The following IFT140 variants were observed in gnomAD, a reference collection of about 807,000 sequenced individuals.
IFT140 encodes the protein intraflagellar transport protein 140 homolog.
Under a neutral mutation model 164.6 loss-of-function variants are expected in IFT140, and 133 were observed. That is an observed-to-expected ratio of 0.81 (90% CI 0.70 to 0.93). The LOEUF (loss-of-function observed/expected upper bound fraction) is 0.93. Among genes scored for constraint, IFT140 ranks in the 40% least tolerant of loss-of-function variants. IFT140 has a pLI of 0.00. For synonymous variants in IFT140, 860 were observed against 817.3 expected, an observed-to-expected ratio of 1.05 and a Z score of -0.89; for missense variants, 2,045 against 1,972.3, an observed-to-expected ratio of 1.04 and a Z score of -0.70.
At chr16:1,523,233 A>G (rs1461276636) in intron 26 of IFT140, among the ~76,000 whole-genome samples, 2 of 151,918 alleles carry the variant, frequency 1.3e-5, no homozygotes, top group African/African-American at 4.8e-5. Flanking sequence ...AAAAAAAAAA[A>G]AAGGCTAAGA....
rs374747598 is a variant in IFT140 at position 1,519,862 on chromosome 16, G to A, written c.4040+19C>T. 108 of 1,517,844 alleles carry A rather than the reference G, an allele frequency of 7.1e-5. No homozygotes were observed. Among genetic ancestry groups the A allele is most frequent in the Non-Finnish European group, 9.2e-5 (105 of 1,135,466 alleles). 94.0% of individuals were successfully genotyped at this position (1,517,844 alleles called of 1,614,324 possible). On this transcript the variant is annotated intron_variant, in intron 29 of 30. Transcript: ENST00000426508. ...GTCACATCTGCCCTGGCCTGTCCCC[G>A]CTGGCCCCGGGGGCACACCTGCGGG...
intron 19 of IFT140, among the ~76,000 whole-genome samples, chr16:1,550,301 C>G (rs1462474755): frequency 1.3e-5 from 2 of 152,204 alleles, no homozygotes; most frequent in African/African-American, 4.8e-5. Context: ...GAGGCCTGAG[C>G]TCGTGTTTAT....
At chr16:1,557,005 G>A (rs879588315) in intron 19 of IFT140, among the ~76,000 whole-genome samples, 1 of 152,024 alleles carries the variant, frequency 6.6e-6, no homozygotes, top group African/African-American at 2.4e-5. Flanking sequence ...GAGATGGGGG[G>A]GCGGTTCTCC....
rs2035857722 is a variant in IFT140, at chr16:1,602,660, G to T, written c.148-69C>A. 5 of 1,432,110 alleles carry T rather than the reference G, an allele frequency of 3.5e-6. No homozygotes were observed. In the African/African-American group the frequency reaches 5.6e-5, roughly 16 times the overall value. The allele number at this position is 1,432,110 out of a possible 1,614,324, so 88.7% of individuals were successfully genotyped here. A position where few individuals can be genotyped will look rare whatever the true frequency, so the allele number is the denominator to read the frequency against. ...AGCTACTTTTAAGAACTTCTGTCTA[G>T]GCCGGGCACGGCGGCTCACTCCTGT... On this transcript the variant is annotated intron_variant, in intron 3 of 30. Coordinates refer to ENST00000426508, the MANE Select transcript of IFT140 (RefSeq NM_014714.4).
Position 1,602,568 on chromosome 16 carries a change from G to C in IFT140, c.171C>G (p.His57Gln). Residue 57 changes from histidine (H) to glutamine (Q), a missense_variant, in exon 4 of 31, where the codon CAC (histidine) becomes CAG (glutamine). By Grantham distance (24) the His-to-Gln change is conservative. Coordinates refer to ENST00000426508, the MANE Select transcript of IFT140 (RefSeq NM_014714.4). ...AAGCAACCCGGAACGGCCTCTCGAC[G>C]TGTGTATCTGGCACGCACTCCCCCT... ...LEQGECVPDT[H>Q]VERPFRVASL... 1 of 1,612,956 alleles carries C rather than the reference G, an allele frequency of 6.2e-7. No individual in the cohort carries two copies. The highest frequency in any genetic ancestry group is 8.5e-7 in the Non-Finnish European group (1 of 1,180,024).
Position 1,592,082 on chromosome 16 carries a change from G to C in IFT140, c.634+94C>G. 25 of 1,375,962 alleles carry C rather than the reference G, an allele frequency of 1.8e-5. 1 individual carries two copies. In the South Asian group the frequency reaches 3.2e-4, roughly 18 times the overall value. 85.2% of individuals were successfully genotyped at this position (1,375,962 alleles called of 1,614,324 possible). A position where few individuals can be genotyped will look rare whatever the true frequency, so the allele number is the denominator to read the frequency against. ...GCAGCCTGCTGCTATCACCGTTACT[G>C]TTCTATGCAGAAACGCCATCTGTGA... On this transcript the variant is annotated intron_variant, in intron 6 of 30. Transcript: ENST00000426508.
At chr16:1,594,219 G>GT (rs1186627743) in intron 4 of IFT140, among the ~76,000 whole-genome samples, 3 of 148,030 alleles carry the variant, frequency 2.0e-5, no homozygotes, top group Admixed American at 1.4e-4. Flanking sequence ...TATAAAAAAA[G>GT]TTTTTTGTTT....
In IFT140 at chr16:1,564,108, G is replaced by C. The variant is rs2033581720; in HGVS notation, c.1956C>G (p.Phe652Leu). 6.3e-7 allele frequency: 1 copy of C among 1,598,264 alleles called. No homozygotes were observed. The highest frequency in any genetic ancestry group is 1.7e-5 in the Admixed American group (1 of 59,608). Residue 652 changes from phenylalanine to leucine, a missense_variant, in exon 17 of 31, where the codon TTC becomes TTG. Coordinates refer to ENST00000426508, the MANE Select transcript of IFT140 (RefSeq NM_014714.4). This position sits in a 1 kb window ranked among gnomAD's most constrained non-coding sequence, Gnocchi z 5.5. ...ACAGCCGGGGCTCACTCTGGTCCCA[G>C]AAGTGGTTCACGGGAACATAATTTT... ...GLKNYVPVNH[F>L]WDQSEPRLFV...
intron 14 of IFT140, among the ~76,000 whole-genome samples, 187 bp downstream of exon 14, chr16:1,571,220 G>A (rs565675187): frequency 1.2e-4 from 18 of 152,216 alleles, no homozygotes; most frequent in East Asian, 3.9e-4. Context: ...TCCCCGACAC[G>A]GCTCCACCAC....
chr16:1,601,640 TC>T (rs1175170201), intron 4 of IFT140, among the ~76,000 whole-genome samples: 1 of 152,224 alleles, frequency 6.6e-6, no homozygotes, highest in Non-Finnish European at 1.5e-5. Context: ...TTCTTTCAAC[TC>T]CTCTCATAAT....
intron 18 of IFT140, among the ~76,000 whole-genome samples, 158 bp from the exon 19 acceptor site, chr16:1,558,292 A>G (rs1374443529): frequency 6.6e-6 from 1 of 152,230 alleles, no homozygotes; most frequent in African/African-American, 2.4e-5. Context: ...AGATGCCCTG[A>G]AAACTTTTAG....
Position 1,592,585 on chromosome 16 carries a change from C to G in IFT140, c.373G>C (p.Gly125Arg). The change falls in exon 5 of 31, where the codon GGT (glycine) becomes CGT (arginine). Residue 125 changes from glycine (G) to arginine (R), a missense_variant. Physicochemically the swap from Gly to Arg is moderately radical, Grantham distance 125. Coordinates refer to ENST00000426508, the MANE Select transcript of IFT140 (RefSeq NM_014714.4). Reference protein sequence around the residue: ...GNCLLSGDRLGVLLLWRLDQR... With the variant: ...GNCLLSGDRLRVLLLWRLDQR... ...TCCAACCTCCACAAGAGCAAGACAC[C>G]AAGCTGGAAAGACCCAACACCACGT... 1 of 1,613,934 alleles carries G rather than the reference C, an allele frequency of 6.2e-7. No homozygotes were observed. The highest frequency in any genetic ancestry group is 1.1e-5 in the South Asian group (1 of 91,060).
chr16:1,583,674 T>G (rs1321957314), intron 11 of IFT140, among the ~76,000 whole-genome samples: 1 of 152,088 alleles, frequency 6.6e-6, no homozygotes, highest in Non-Finnish European at 1.5e-5. Context: ...TTATTTACTT[T>G]TTAAATTTAT....
At chr16:1,605,617 G>A (rs2036018989) in intron 3 of IFT140, among the ~76,000 whole-genome samples, 1 of 152,018 alleles carries the variant, frequency 6.6e-6, no homozygotes, top group Non-Finnish European at 1.5e-5. Flanking sequence ...TGTTAGCCAG[G>A]ATGGTCTTGA....
intron 30 of IFT140, among the ~76,000 whole-genome samples, chr16:1,512,800 C>G (rs550098630): frequency 6.6e-6 from 1 of 152,238 alleles, no homozygotes; most frequent in East Asian, 1.9e-4. Context: ...AAAACCAAAC[C>G]AAGCAACAAC....
At chr16:1,552,590 T>TC (rs2032744495) in intron 19 of IFT140, among the ~76,000 whole-genome samples, 3 of 151,492 alleles carry the variant, frequency 2.0e-5, no homozygotes, top group Admixed American at 2.0e-4. Context: ...GAGGGCACAT[T>TC]CCGCACTGGT....
rs1291067764 is a variant in IFT140 at position 1,568,251 on chromosome 16, C to T, written c.1736G>A (p.Ser579Asn). 1 of 1,611,534 alleles carries T rather than the reference C, an allele frequency of 6.2e-7. No homozygotes were observed. Residue 579 changes from serine (S) to asparagine (N), a missense_variant, in exon 15 of 31, where the codon AGC (serine) becomes AAC (asparagine). Coordinates refer to ENST00000426508, the MANE Select transcript of IFT140 (RefSeq NM_014714.4). ...GAGGATGCTGATGGTGCTCCCGCTG[C>T]TGCTGCACCGCAGAGAAGCGATGCC... The part of the protein sequence containing the change: ...VGGIASLRCS[S>N]SGSTISILPS...
chr16:1,541,929 G>A (rs761898808), intron 19 of IFT140: 16 of 1,602,204 alleles, frequency 1.0e-5, no homozygotes, highest in East Asian at 9.0e-5. Flanking sequence ...AGTGCAGTTC[G>A]ACATGATGCG....
chr16:1,573,525 G>A (rs1049643140), intron 13 of IFT140, among the ~76,000 whole-genome samples: 2 of 151,878 alleles, frequency 1.3e-5, no homozygotes, highest in East Asian at 1.9e-4. Context: ...AAGGCACCAC[G>A]AACTCGAACT....
Sources: gnomAD v4.1 joint callset for allele counts (sites outside exome capture counted in the v4.1 genomes callset) on GRCh38, gnomAD v4.1.1 for gene constraint, Gnocchi (gnomAD v3.1) non-coding constraint, MANE v1.5 for transcripts, NCBI Gene and HGNC (gene_info 2026-07-23, HGNC 2026-07-21) for gene names.